The following NAALADL2 variants were observed in gnomAD, a reference collection of about 807,000 sequenced individuals.
NAALADL2 encodes N-acetylated alpha-linked acidic dipeptidase like 2, also known as inactive N-acetylated-alpha-linked acidic dipeptidase-like protein 2.
In NAALADL2, 76 loss-of-function variants were observed where a neutral mutation model predicts 87.2. The observed-to-expected ratio is 0.87, with a 90% CI of 0.72 to 1.05. The LOEUF is 1.05. Among genes scored for constraint, NAALADL2 ranks in the 50% least tolerant of loss-of-function variants. NAALADL2 has a pLI of 0.00. For synonymous variants in NAALADL2, 354 were observed against 331.0 expected (o/e 1.07, Z -0.75); for missense variants, 1,089 against 945.8 (o/e 1.15, Z -1.99).
intron 1 of NAALADL2, among the ~76,000 whole-genome samples, chr3:174,477,950 A>G (rs1717311083): frequency 1.3e-5 from 2 of 152,184 alleles, no homozygotes; most frequent in African/African-American, 4.8e-5. Flanking sequence ...AGATTAATGG[A>G]GAAAAGTCAT....
intron 9 of NAALADL2, among the ~76,000 whole-genome samples, chr3:175,514,802 G>A (rs967402420): frequency 6.6e-6 from 1 of 152,160 alleles, no homozygotes; most frequent in Non-Finnish European, 1.5e-5. Flanking sequence ...AGTTAATACT[G>A]AAAGGAATAA....
At chr3:175,571,630 A>G (rs1256096126) in intron 9 of NAALADL2, among the ~76,000 whole-genome samples, 1 of 152,174 alleles carries the variant, frequency 6.6e-6, no homozygotes, top group Non-Finnish European at 1.5e-5. Context: ...AGGAAAAACT[A>G]TTCACATTAG....
At chr3:175,025,792 T>C (rs1337923439) in intron 1 of NAALADL2, among the ~76,000 whole-genome samples, 1 of 152,088 alleles carries the variant, frequency 6.6e-6, no homozygotes, top group African/African-American at 2.4e-5. Context: ...TTTAGCCATA[T>C]TTGTTTTTCA....
At chr3:175,649,602 C>A (rs1433251444) in intron 11 of NAALADL2, among the ~76,000 whole-genome samples, 1 of 152,114 alleles carries the variant, frequency 6.6e-6, no homozygotes, top group Non-Finnish European at 1.5e-5. Context: ...GCCTCCTCAT[C>A]AAGTGCTCAC....
intron 5 of NAALADL2, among the ~76,000 whole-genome samples, chr3:175,355,296 A>G (rs1241839970): frequency 6.6e-6 from 1 of 151,888 alleles, no homozygotes; most frequent in Non-Finnish European, 1.5e-5. Flanking sequence ...CGAACTCCTG[A>G]CATCAAGTGA....
intron 1 of NAALADL2, among the ~76,000 whole-genome samples, chr3:175,063,044 T>A (rs1318433485): frequency 6.6e-6 from 1 of 152,188 alleles, no homozygotes; most frequent in Non-Finnish European, 1.5e-5. Flanking sequence ...TCTACATATA[T>A]TTTTATAAAA....
chr3:175,501,044 A>G (rs1729476103), intron 9 of NAALADL2, among the ~76,000 whole-genome samples: 2 of 152,088 alleles, frequency 1.3e-5, no homozygotes, highest in Non-Finnish European at 2.9e-5. Flanking sequence ...TCTAGATGAC[A>G]GATGAAGTTT....
intron 6 of NAALADL2, among the ~76,000 whole-genome samples, chr3:175,457,428 C>A (rs1722480209): frequency 6.6e-6 from 1 of 152,090 alleles, no homozygotes; most frequent in African/African-American, 2.4e-5. Flanking sequence ...TAGCATACTG[C>A]CCCAAACCAC....
At chr3:175,752,546 T>A (rs1358480630) in intron 12 of NAALADL2, among the ~76,000 whole-genome samples, 1 of 152,106 alleles carries the variant, frequency 6.6e-6, no homozygotes, top group Non-Finnish European at 1.5e-5. Context: ...CATTTATATA[T>A]CAAAATGATT....
chr3:175,043,925 C>G (rs1754379916), intron 1 of NAALADL2, among the ~76,000 whole-genome samples: 1 of 152,088 alleles, frequency 6.6e-6, no homozygotes. Context: ...TGCCATTGTA[C>G]TTTTGACAGT....
At chr3:175,051,631 C>G (rs992581046) in intron 1 of NAALADL2, among the ~76,000 whole-genome samples, 1 of 152,160 alleles carries the variant, frequency 6.6e-6, no homozygotes, top group Non-Finnish European at 1.5e-5. Flanking sequence ...ATAATCTAAC[C>G]ATGGGCGCAA....
chr3:175,402,382 A>C (rs1464715819), intron 5 of NAALADL2, among the ~76,000 whole-genome samples: 1 of 152,080 alleles, frequency 6.6e-6, no homozygotes, highest in African/African-American at 2.4e-5. Context: ...TTCTTGCCTC[A>C]TAACTGGGTC....
intron 13 of NAALADL2, among the ~76,000 whole-genome samples, chr3:175,782,158 A>G (rs1177102307): frequency 4.7e-5 from 7 of 148,958 alleles, no homozygotes; most frequent in African/African-American, 1.0e-4. Context: ...TAATGCCTCA[A>G]TAAACATACG....
intron 1 of NAALADL2, among the ~76,000 whole-genome samples, chr3:174,944,379 G>T (rs1220968468): frequency 6.6e-6 from 1 of 152,122 alleles, no homozygotes; most frequent in African/African-American, 2.4e-5. Context: ...CTCTCCAAAA[G>T]CCAAAGGCTG....
intron 5 of NAALADL2, among the ~76,000 whole-genome samples, chr3:175,390,927 T>G (rs1388756954): frequency 2.0e-5 from 3 of 152,146 alleles, no homozygotes; most frequent in African/African-American, 7.2e-5. Flanking sequence ...TCAGCAACAT[T>G]CTACTGTTCT....
At chr3:175,134,101 A>G (rs1200625761) in intron 2 of NAALADL2, among the ~76,000 whole-genome samples, 3 of 152,112 alleles carry the variant, frequency 2.0e-5, no homozygotes, top group African/African-American at 7.2e-5. Context: ...TGCAGTGACT[A>G]TGTCTTCCAT....
chr3:175,069,204 T>C lies in NAALADL2; in HGVS notation c.44-27586T>C, dbSNP rs964644629. Among the ~76,000 whole-genome samples the C allele has an allele frequency of 2.0e-5, 3 of 149,086 alleles. No homozygotes were observed. In the South Asian group the frequency reaches 6.3e-4, roughly 31 times the overall value. Reference sequence around the variant, plus strand: ...AGAGCTTCAGCACAGCAAAAGAAACTACCATCAGAGTGAACAGGCAACCTA... The same window carrying C: ...AGAGCTTCAGCACAGCAAAAGAAACCACCATCAGAGTGAACAGGCAACCTA... On this transcript the variant is annotated intron_variant, in intron 1 of 13. Coordinates refer to ENST00000454872, the MANE Select transcript of NAALADL2 (RefSeq NM_207015.3).
intron 1 of NAALADL2, among the ~76,000 whole-genome samples, chr3:175,035,793 C>T (rs1441317773): frequency 6.6e-6 from 1 of 152,130 alleles, no homozygotes; most frequent in East Asian, 1.9e-4. Context: ...CTCCAGACCT[C>T]CAATATCAGA....
At chr3:175,441,439 C>T (rs1051427717) in intron 5 of NAALADL2, among the ~76,000 whole-genome samples, 2 of 152,146 alleles carry the variant, frequency 1.3e-5, no homozygotes, top group Non-Finnish European at 2.9e-5. Context: ...CGATTGCTGG[C>T]AGGTACCAAG....
Sources: gnomAD v4.1 joint callset for allele counts (sites outside exome capture counted in the v4.1 genomes callset) on GRCh38, gnomAD v4.1.1 for gene constraint, MANE v1.5 for transcripts, NCBI Gene and HGNC (gene_info 2026-07-23, HGNC 2026-07-21) for gene names.